Variants in PLEKHA6 observed in about 807,000 individuals in gnomAD.
PLEKHA6 encodes the protein pleckstrin homology domain-containing family A member 6.
A neutral mutation model predicts 116.7 loss-of-function variants in PLEKHA6; 60 were observed. The observed-to-expected ratio is 0.51, with a 90% CI of 0.42 to 0.64. PLEKHA6 has a LOEUF of 0.64. Among genes scored for constraint, PLEKHA6 ranks in the 30% least tolerant of loss-of-function variants. PLEKHA6 has a pLI of 0.00. For synonymous variants in PLEKHA6, 489 were observed against 556.1 expected, an observed-to-expected ratio of 0.88 and a Z score of 1.70; for missense variants, 1,338 against 1,422.7, an observed-to-expected ratio of 0.94 and a Z score of 0.96.
At chr1:204,340,521 A>G (rs1391552329) in intron 1 of PLEKHA6, among the ~76,000 whole-genome samples, 3 of 152,242 alleles carry the variant, frequency 2.0e-5, no homozygotes, top group Non-Finnish European at 4.4e-5. Flanking sequence ...CTCATATCCC[A>G]GAACCAGGCA....
Position 204,241,776 on chromosome 1 carries a change from G to GT in PLEKHA6, c.2210dup (p.His737GlnfsTer44). 6.2e-7 allele frequency: 1 copy of GT among 1,614,160 alleles called. No homozygotes were observed. The highest frequency in any genetic ancestry group is 8.5e-7 in the Non-Finnish European group (1 of 1,179,982). On this transcript the variant is annotated frameshift_variant, in exon 16 of 23. Coordinates refer to ENST00000272203, the MANE Select transcript of PLEKHA6 (RefSeq NM_014935.5). LOFTEE classifies it high-confidence loss of function. ...TGGGGGTGTCCAGGGGCAATGTCTGGTGGGGGTCTTTCTTGCTTTGTTCAT... is the reference window on the plus strand; with the variant it reads ...TGGGGGTGTCCAGGGGCAATGTCTGGTTGGGGGTCTTTCTTGCTTTGTTCAT...
At chr1:204,237,628 C>T (rs552158190) in intron 17 of PLEKHA6, among the ~76,000 whole-genome samples, 2 of 152,342 alleles carry the variant, frequency 1.3e-5, no homozygotes, top group South Asian at 2.1e-4. Context: ...ACCTGGTATG[C>T]AGCCATTGAC....
chr1:204,317,633 A>G (rs1207260914), intron 1 of PLEKHA6, among the ~76,000 whole-genome samples: 4 of 152,194 alleles, frequency 2.6e-5, no homozygotes, highest in African/African-American at 9.6e-5. Context: ...TGTCTTACAG[A>G]TAGTGTCTTT....
intron 17 of PLEKHA6, among the ~76,000 whole-genome samples, chr1:204,236,277 G>GA (rs1662039574): frequency 6.6e-6 from 1 of 152,190 alleles, no homozygotes; most frequent in Non-Finnish European, 1.5e-5. Flanking sequence ...ATGGATAAAA[G>GA]ATGGCCCACT....
At position 204,261,271 on chromosome 1, in the gene PLEKHA6, T is replaced by C; in HGVS notation, c.524+35A>G. On this transcript the variant is annotated intron_variant, in intron 7 of 22. Transcript: ENST00000272203. The surrounding 1 kb of genome is among the most constrained non-coding windows in gnomAD (Gnocchi z 4.0). ...TGTCTTCCATTCCCCTCTTTATTCT[T>C]CCTGCACCCCCACACTCAATTCCCT... is the stretch of plus-strand genomic sequence containing the variant. 6.2e-7 allele frequency: 1 copy of C among 1,613,146 alleles called. No individual in the cohort carries two copies. Among genetic ancestry groups the C allele is most frequent in the Non-Finnish European group, 8.5e-7 (1 of 1,179,114 alleles).
chr1:204,301,537 C>T (rs1670817737), intron 1 of PLEKHA6: 1 of 884,796 alleles, frequency 1.1e-6, no homozygotes, highest in Admixed American at 6.2e-5. Flanking sequence ...TCTCTCCACC[C>T]TACCACCACC....
intron 1 of PLEKHA6, among the ~76,000 whole-genome samples, chr1:204,295,458 C>G (rs1670178918): frequency 1.3e-5 from 2 of 148,920 alleles, no homozygotes; most frequent in Admixed American, 1.4e-4. Flanking sequence ...CTATTGCACT[C>G]TAGCCTGGGT....
intron 1 of PLEKHA6, among the ~76,000 whole-genome samples, chr1:204,303,453 GA>G (rs1671009082): frequency 6.6e-6 from 1 of 152,178 alleles, no homozygotes; most frequent in Non-Finnish European, 1.5e-5. Context: ...GTCCTAGAAT[GA>G]ACCTCAAAAA....
chr1:204,377,319 G>A (rs1031704916), intron 1 of PLEKHA6, among the ~76,000 whole-genome samples: 5 of 152,190 alleles, frequency 3.3e-5, no homozygotes, highest in African/African-American at 4.8e-5. Context: ...ATGTGACCAG[G>A]GAGAGGGAGA....
intron 3 of PLEKHA6, among the ~76,000 whole-genome samples, chr1:204,272,400 TAAAAC>T (rs1209334511): frequency 6.6e-6 from 1 of 152,138 alleles, no homozygotes; most frequent in African/African-American, 2.4e-5. Context: ...TCTGACATCT[TAAAAC>T]AAAACCAACA....
Position 204,269,093 on chromosome 1 carries a change from C to T in PLEKHA6, c.103-781G>A, listed in dbSNP as rs1257603537. 2.0e-5 allele frequency among the ~76,000 whole-genome samples: 3 copies of T among 151,960 alleles called. No homozygotes were observed. In the East Asian group the frequency reaches 5.8e-4, roughly 30 times the overall value. On this transcript the variant is annotated intron_variant, in intron 3 of 22. Transcript: ENST00000272203. The stretch of plus-strand genomic sequence containing the variant: ...AGGGCTACACCTTTAATCTTCTCAG[C>T]ACCCCAAGCCCCTCTGCGGCTAACA...
chr1:204,230,490 T>A lies in PLEKHA6; in HGVS notation c.2506A>T (p.Met836Leu), dbSNP rs1193566518. Residue 836 changes from methionine (M) to leucine (L), a missense_variant, in exon 18 of 23, where the codon ATG becomes TTG. Physicochemically the swap from Met to Leu is conservative, Grantham distance 15 (BLOSUM62 2). Transcript: ENST00000272203. ...DRMRRHQSGSMREKRRSLQLP... is the reference protein window; with the variant it reads ...DRMRRHQSGSLREKRRSLQLP... ...TGCAGGCTCCTCCGCTTCTCCCTCA[T>A]GGAGCCACTCTGGTGCCGCCGCATT... is the stretch of plus-strand genomic sequence containing the variant. 3 of 1,585,062 alleles carry A rather than the reference T, an allele frequency of 1.9e-6. No individual in the cohort carries two copies. Among genetic ancestry groups the A allele is most frequent in the Non-Finnish European group, 2.6e-6 (3 of 1,165,546 alleles).
At chr1:204,281,018 A>G (rs1668536852) in intron 1 of PLEKHA6, 3 of 983,776 alleles carry the variant, frequency 3.0e-6, no homozygotes, top group African/African-American at 3.5e-5. Context: ...GTGGGAAGGA[A>G]CCCCTCCAAA....
intron 1 of PLEKHA6, among the ~76,000 whole-genome samples, chr1:204,373,086 C>CTTTTTT (rs973883787): frequency 1.7e-4 from 19 of 113,392 alleles, no homozygotes; most frequent in African/African-American, 3.7e-4. Flanking sequence ...TTTTTTCTTT[C>CTTTTTT]TTTTTTTTTT....
rs1663550465 is a variant in PLEKHA6, at chr1:204,245,643, G to A, written c.2004C>T (p.Ser668=). 1 of 1,612,982 alleles carries A rather than the reference G, an allele frequency of 6.2e-7. No homozygotes were observed. The highest frequency in any genetic ancestry group is 8.5e-7 in the Non-Finnish European group (1 of 1,179,162). Residue 668 remains serine (S), a synonymous_variant, in exon 14 of 23, where the codon TCC becomes TCT. Transcript: ENST00000272203. The part of the protein sequence containing the change: ...VMEGLRKNNP[S]RGTDTAKHRG... ...TGTGCTTGGCGGTGTCCGTGCCCCG[G>A]GAGGGGTTGTTCTTCCTCAGCCCCT...
chr1:204,269,711 C>T (rs1266660518), intron 3 of PLEKHA6, among the ~76,000 whole-genome samples: 1 of 152,202 alleles, frequency 6.6e-6, no homozygotes, highest in Non-Finnish European at 1.5e-5. Context: ...CTCTTCCCCT[C>T]CAATGTCAAA....
chr1:204,344,599 CAAAAA>C (rs58633345), intron 1 of PLEKHA6, among the ~76,000 whole-genome samples: 66 of 121,610 alleles, frequency 5.4e-4, no homozygotes, highest in Non-Finnish European at 5.2e-4. Context: ...GACTCCATCT[CAAAAA>C]AAAAAAAAAA....
At chr1:204,296,239 T>G (rs1023707237) in intron 1 of PLEKHA6, among the ~76,000 whole-genome samples, 1 of 152,190 alleles carries the variant, frequency 6.6e-6, no homozygotes, top group Non-Finnish European at 1.5e-5. Context: ...TTCTGAACAC[T>G]GGTGCACACT....
intron 1 of PLEKHA6, among the ~76,000 whole-genome samples, chr1:204,293,640 G>A (rs547338482): frequency 6.6e-6 from 1 of 152,240 alleles, no homozygotes; most frequent in South Asian, 2.1e-4. Flanking sequence ...TTCATGAAAT[G>A]TTTGCATTGA....
Sources: allele counts gnomAD v4.1 joint callset (sites outside exome capture counted in the v4.1 genomes callset), GRCh38; gene constraint gnomAD v4.1.1; non-coding constraint Gnocchi (gnomAD v3.1); transcripts MANE v1.5; gene names NCBI Gene and HGNC (gene_info 2026-07-23, HGNC 2026-07-21).